PTPRA: variants seen among roughly 807,000 people sequenced by gnomAD.
PTPRA encodes receptor-type tyrosine-protein phosphatase alpha.
A neutral mutation model predicts 104.8 loss-of-function variants in PTPRA; 25 were observed. The ratio of observed to expected loss-of-function variants is 0.24; its 90% CI spans 0.17 to 0.33. The LOEUF (loss-of-function observed/expected upper bound fraction) is 0.33. PTPRA is among the 10% of genes least tolerant of loss of function. The pLI, the probability that PTPRA is intolerant of heterozygous loss-of-function variation, is 1.00. For missense variants in PTPRA, 765 were observed against 1,015.3 expected, an observed-to-expected ratio of 0.75 and a Z score of 3.35; for synonymous variants, 323 against 368.9, an observed-to-expected ratio of 0.88 and a Z score of 1.43.
chr20:2,926,861 G>C (rs1176478786), intron 2 of PTPRA, among the ~76,000 whole-genome samples: 2 of 145,858 alleles, frequency 1.4e-5, no homozygotes, highest in Non-Finnish European at 3.0e-5. Context: ...TGTGATCTTG[G>C]CTCACTGCAA....
chr20:2,967,665 A>T (rs1202012944), intron 5 of PTPRA, among the ~76,000 whole-genome samples: 1 of 152,210 alleles, frequency 6.6e-6, no homozygotes, highest in African/African-American at 2.4e-5. Context: ...GTTTGAGACC[A>T]GCCTGGGGAA....
At chr20:2,985,884 C>CTTGT (rs71195807) in intron 6 of PTPRA, among the ~76,000 whole-genome samples, 20,011 of 148,650 alleles carry the variant, frequency 0.13, 1,616 homozygotes, top group Middle Eastern at 0.22. Flanking sequence ...CAGCTGTCTC[C>CTTGT]TTGTTTGTTT....
intron 11 of PTPRA, 74 bp downstream of exon 11, chr20:3,007,494 T>G: frequency 1.4e-6 from 2 of 1,432,046 alleles, no homozygotes; most frequent in Non-Finnish European, 2.0e-6. Flanking sequence ...TCCCCAGCTG[T>G]GTGTTAGGAG....
chr20:2,979,473 T>C (rs2062580114), intron 6 of PTPRA, among the ~76,000 whole-genome samples: 1 of 152,202 alleles, frequency 6.6e-6, no homozygotes, highest in South Asian at 2.1e-4. Context: ...CAGTTGCTCT[T>C]TCACACAACT....
At position 2,970,678 on chromosome 20, in the gene PTPRA, A is replaced by G. The variant is rs562208220; in HGVS notation, c.416-4537A>G. Among the ~76,000 whole-genome samples the G allele has an allele frequency of 4.2e-4, 64 of 152,312 alleles. No homozygotes were observed. In the South Asian group the frequency reaches 4.4e-3, roughly 10 times the overall value. On this transcript the variant is annotated intron_variant, in intron 5 of 23. Transcript: ENST00000399903. ...TTTCTGCATTGCAGAAGATATCATTAGCTATTTTTAATTTTTTTAATTTAA... is the reference window on the plus strand; with the variant it reads ...TTTCTGCATTGCAGAAGATATCATTGGCTATTTTTAATTTTTTTAATTTAA...
At chr20:2,909,856 ATATT>A (rs2059572042) in intron 1 of PTPRA, among the ~76,000 whole-genome samples, 1 of 127,062 alleles carries the variant, frequency 7.9e-6, no homozygotes, top group African/African-American at 3.2e-5. Context: ...AAGATAATAT[ATATT>A]ATATAATATA....
chr20:3,038,072 T>G lies in PTPRA; in HGVS notation c.2348T>G (p.Phe783Cys), dbSNP rs756407614. ...HMVQTLEQYE[F>C]CYKVVQEYID... ...TTCACTCTCCAGGAACAGTATGAGT[T>G]CTGCTACAAGGTGGTGCAGGAGTAT... is the stretch of plus-strand genomic sequence containing the variant. The change falls in exon 24 of 24, where the codon TTC becomes TGC. Residue 783 changes from phenylalanine to cysteine, a missense_variant. Around this residue, in one of 4 missense-constraint regions of PTPRA, gnomAD observed 72 missense variants for 140.7 expected, o/e 0.51. Transcript: ENST00000399903. The G allele has an allele frequency of 6.2e-7, 1 of 1,612,802 alleles. No homozygotes were observed. The highest frequency in any genetic ancestry group is 8.5e-7 in the Non-Finnish European group (1 of 1,178,754).
chr20:3,018,825 C>T (rs1157945839), intron 13 of PTPRA, among the ~76,000 whole-genome samples: 1 of 128,310 alleles, frequency 7.8e-6, no homozygotes, highest in Non-Finnish European at 1.6e-5. Context: ...CCCTCACCTC[C>T]CGGACAGGGC....
chr20:2,888,677 T>C (rs1167465702), intron 1 of PTPRA, among the ~76,000 whole-genome samples: 1 of 152,154 alleles, frequency 6.6e-6, no homozygotes, highest in Non-Finnish European at 1.5e-5. Context: ...AAAGTATATA[T>C]AGTATATATA....
chr20:3,000,210 C>T (rs1181625760), intron 9 of PTPRA, among the ~76,000 whole-genome samples: 1 of 152,146 alleles, frequency 6.6e-6, no homozygotes, highest in African/African-American at 2.4e-5. Context: ...ATTGCTTGAA[C>T]ACAGGAGGTG....
chr20:3,007,838 G>A (rs5741830), intron 11 of PTPRA, among the ~76,000 whole-genome samples: 5,800 of 98,496 alleles, frequency 0.059, 219 homozygotes, highest in East Asian at 0.16. Context: ...CTGTGTGTGT[G>A]TATATATATA....
At chr20:2,892,469 T>C (rs1035492166) in intron 1 of PTPRA, among the ~76,000 whole-genome samples, 1 of 152,142 alleles carries the variant, frequency 6.6e-6, no homozygotes, top group African/African-American at 2.4e-5. Flanking sequence ...AATTTTGAAA[T>C]TTGATCTTTT....
rs572410152 is a variant in PTPRA, at chr20:2,901,220, C to T, written c.-128-21987C>T. ...TCCTGACCTTGTGATCCACCTGCTT[C>T]GGCCTCCCAAATTGCTGGGATTACA... is the stretch of plus-strand genomic sequence containing the variant. On this transcript the variant is annotated intron_variant, in intron 1 of 23. Coordinates refer to ENST00000399903, the MANE Select transcript of PTPRA (RefSeq NM_001385305.1). Among the ~76,000 whole-genome samples the T allele has an allele frequency of 2.6e-5, 4 of 152,196 alleles. 1 individual carries two copies. The highest frequency in any genetic ancestry group is 7.2e-5 in the African/African-American group (3 of 41,550).
chr20:2,944,209 T>A (rs1376678396), intron 2 of PTPRA, among the ~76,000 whole-genome samples: 3 of 151,948 alleles, frequency 2.0e-5, no homozygotes, highest in Non-Finnish European at 4.4e-5. Context: ...ACCTGGCTAA[T>A]TTTTTTATTT....
chr20:2,962,224 ATTAT>A (rs1407627029), intron 3 of PTPRA, among the ~76,000 whole-genome samples: 1 of 152,190 alleles, frequency 6.6e-6, no homozygotes, highest in Non-Finnish European at 1.5e-5. Flanking sequence ...GTCCATAAAC[ATTAT>A]TTATGATGGG....
intron 9 of PTPRA, among the ~76,000 whole-genome samples, chr20:2,989,510 T>C (rs1240271596): frequency 2.6e-5 from 4 of 152,024 alleles, no homozygotes; most frequent in Non-Finnish European, 2.9e-5. Flanking sequence ...GGACAGGGGA[T>C]TGGGGAGCCT....
chr20:2,958,117 A>C (rs968751893), intron 3 of PTPRA, among the ~76,000 whole-genome samples: 1 of 152,190 alleles, frequency 6.6e-6, no homozygotes, highest in Non-Finnish European at 1.5e-5. Context: ...AAGGAAATAA[A>C]GATAGAGCAG....
intron 4 of PTPRA, among the ~76,000 whole-genome samples, chr20:2,964,567 G>A (rs942533290): frequency 1.3e-5 from 2 of 152,202 alleles, no homozygotes; most frequent in Non-Finnish European, 1.5e-5. Flanking sequence ...AAGAGATTAT[G>A]TGTTCTTTCC....
At chr20:2,992,561 A>T (rs1485258371) in intron 9 of PTPRA, among the ~76,000 whole-genome samples, 1 of 152,070 alleles carries the variant, frequency 6.6e-6, no homozygotes, top group Non-Finnish European at 1.5e-5. Flanking sequence ...TACGATGGGG[A>T]GTTGAAGTCA....
Sources: gnomAD v4.1 joint callset for allele counts (sites outside exome capture counted in the v4.1 genomes callset) on GRCh38, gnomAD v4.1.1 for gene constraint, gnomAD v4.1.1 regional missense constraint, MANE v1.5 for transcripts, NCBI Gene and HGNC (gene_info 2026-07-23, HGNC 2026-07-21) for gene names.